The following ARPC2 variants were observed in gnomAD, a reference collection of about 807,000 sequenced individuals.
The protein encoded by ARPC2 is actin-related protein 2/3 complex subunit 2.
In ARPC2, 4 loss-of-function variants were observed where a neutral mutation model predicts 38.6. That is an observed-to-expected ratio of 0.10 (90% CI 0.05 to 0.24). ARPC2 has a LOEUF of 0.24. Among genes scored for constraint, ARPC2 ranks in the 10% least tolerant of loss-of-function variants. The pLI, the probability that ARPC2 is intolerant of heterozygous loss-of-function variation, is 1.00. For synonymous variants in ARPC2, 125 were observed against 140.8 expected (o/e 0.89, Z 0.79); for missense variants, 229 against 387.3 (o/e 0.59, Z 3.43).
At chr2:218,249,629 C>A in intron 9 of ARPC2, 165 bp downstream of exon 9, 1 of 735,660 alleles carries the variant, frequency 1.4e-6, no homozygotes, top group Non-Finnish European at 2.2e-6. Context: ...AAGCCACTGT[C>A]CCCCATCCCT....
At chr2:218,220,202 G>C (rs1430909382) in intron 2 of ARPC2, among the ~76,000 whole-genome samples, 1 of 152,178 alleles carries the variant, frequency 6.6e-6, no homozygotes, top group East Asian at 1.9e-4. Context: ...GAAAGGCTTT[G>C]CTGGTGTGGG....
chr2:218,249,470 G>T lies in ARPC2; in HGVS notation c.777+6G>T. 2 of 1,582,482 alleles carry T rather than the reference G, an allele frequency of 1.3e-6. No individual in the cohort carries two copies. Among genetic ancestry groups the T allele is most frequent in the South Asian group, 1.1e-5 (1 of 88,654 alleles). On this transcript the variant is annotated splice_donor_region_variant and intron_variant, in intron 9 of 10. Coordinates refer to ENST00000315717, the MANE Select transcript of ARPC2 (RefSeq NM_152862.3). ...ACCACATCAAGTGCTCTAAGGTGAG[G>T]GGGGTGCCAGCATCTCAGCCTCTAT...
chr2:218,231,242 G>A (rs1008626697), intron 4 of ARPC2, among the ~76,000 whole-genome samples: 1 of 152,106 alleles, frequency 6.6e-6, no homozygotes, highest in Non-Finnish European at 1.5e-5. Flanking sequence ...TGGGAGAGGG[G>A]GTACAAACTG....
At chr2:218,237,256 G>A (rs183916687) in intron 5 of ARPC2, among the ~76,000 whole-genome samples, 9 of 151,794 alleles carry the variant, frequency 5.9e-5, no homozygotes, top group African/African-American at 9.7e-5. Context: ...CTGGAGTGCC[G>A]TGGCGCGATC....
At chr2:218,243,442 A>T (rs1488794369) in intron 7 of ARPC2, among the ~76,000 whole-genome samples, 1 of 152,198 alleles carries the variant, frequency 6.6e-6, no homozygotes, top group Non-Finnish European at 1.5e-5. Context: ...AGCTTTATTT[A>T]GGAGAGAGAA....
chr2:218,217,763 C>T (rs1184186504), intron 2 of ARPC2, among the ~76,000 whole-genome samples: 7 of 152,140 alleles, frequency 4.6e-5, no homozygotes, highest in African/African-American at 1.4e-4. Context: ...GCGGAAGCAG[C>T]GAGTGGTGAG....
At chr2:218,253,665 T>C (rs191783021) in intron 10 of ARPC2, among the ~76,000 whole-genome samples, 27 of 152,336 alleles carry the variant, frequency 1.8e-4, no homozygotes, top group Admixed American at 1.7e-3. Context: ...AACACTGATA[T>C]TCCCGGGCAT....
At chr2:218,237,370 T>C (rs1302089171) in intron 5 of ARPC2, among the ~76,000 whole-genome samples, 1 of 151,804 alleles carries the variant, frequency 6.6e-6, no homozygotes, top group African/African-American at 2.4e-5. Flanking sequence ...CAGCTAATTT[T>C]GTATTTTTAT....
At chr2:218,239,015 ACTC>A (rs1044985785) in intron 6 of ARPC2, 165 bp downstream of exon 6, 6 of 601,234 alleles carry the variant, frequency 1.0e-5, no homozygotes, top group Non-Finnish European at 1.5e-5. Context: ...GAAATCAGCC[ACTC>A]CTCCTACTCT....
Position 218,217,454 on chromosome 2 carries a change from T to A in ARPC2, c.-8-9T>A. Reference sequence around the variant, plus strand: ...CACCGGCCCTTGTTTCTCCTTCCCCTGGGGGCAGCCGCCGCCATGATCCTG... The same window carrying A: ...CACCGGCCCTTGTTTCTCCTTCCCCAGGGGGCAGCCGCCGCCATGATCCTG... On this transcript the variant is annotated splice_polypyrimidine_tract_variant and intron_variant, in intron 1 of 10. Transcript: ENST00000315717. 6.2e-7 allele frequency: 1 copy of A among 1,611,528 alleles called. No individual in the cohort carries two copies.
Position 218,254,011 on chromosome 2 carries a change from T to G in ARPC2, c.*96T>G. 6.5e-7 allele frequency: 1 copy of G among 1,529,448 alleles called. No homozygotes were observed. Among genetic ancestry groups the G allele is most frequent in the South Asian group, 1.1e-5 (1 of 87,254 alleles). The allele number at this position is 1,529,448 out of a possible 1,614,324, so 94.7% of individuals were successfully genotyped here. A position where few individuals can be genotyped will look rare whatever the true frequency, so the allele number is the denominator to read the frequency against. On this transcript the variant is annotated 3_prime_UTR_variant, in exon 11 of 11. Transcript: ENST00000315717. ...TTTAATGTTGCGCCTCTTCAGGTTC[T>G]TAAGGGATTCTCCGTTTTGGTTCCA...
intron 5 of ARPC2, 86 bp downstream of exon 5, chr2:218,234,483 G>A (rs535733222): frequency 3.7e-5 from 40 of 1,082,464 alleles, no homozygotes; most frequent in Admixed American, 7.1e-5. Context: ...AAAGGATTTC[G>A]TTTAAATATT....
chr2:218,226,060 C>T (rs531259933), intron 3 of ARPC2, 106 bp downstream of exon 3: 23 of 1,122,664 alleles, frequency 2.0e-5, no homozygotes, highest in East Asian at 7.6e-5. Flanking sequence ...TTTGGGAGTC[C>T]GAGGCAGGTG....
chr2:218,247,058 G>A (rs1220657989), intron 8 of ARPC2, among the ~76,000 whole-genome samples: 1 of 152,236 alleles, frequency 6.6e-6, no homozygotes, highest in Non-Finnish European at 1.5e-5. Context: ...CCAGGAGGTA[G>A]AGGCTGCAGT....
intron 7 of ARPC2, among the ~76,000 whole-genome samples, chr2:218,242,093 A>G (rs1180766120): frequency 6.6e-6 from 1 of 152,216 alleles, no homozygotes; most frequent in African/African-American, 2.4e-5. Context: ...CCCTTCCAGC[A>G]TGCACATCCA....
chr2:218,252,233 A>G (rs952437505), intron 10 of ARPC2, among the ~76,000 whole-genome samples: 2 of 152,148 alleles, frequency 1.3e-5, no homozygotes, highest in African/African-American at 4.8e-5. Flanking sequence ...CAAAAAAAAA[A>G]GCACTTTTTA....
intron 4 of ARPC2, among the ~76,000 whole-genome samples, chr2:218,229,942 A>G (rs185869669): frequency 1.3e-5 from 2 of 152,252 alleles, no homozygotes; most frequent in Middle Eastern, 3.4e-3. Flanking sequence ...AAAGAGTGAA[A>G]GAAAACAAAT....
chr2:218,234,996 C>A, intron 5 of ARPC2: 1 of 375,022 alleles, frequency 2.7e-6, no homozygotes, highest in Non-Finnish European at 5.3e-6. Context: ...GATTCAGTGG[C>A]ATGTCTCAAA....
At chr2:218,224,579 T>A (rs1463817656) in intron 2 of ARPC2, among the ~76,000 whole-genome samples, 2 of 152,238 alleles carry the variant, frequency 1.3e-5, no homozygotes, top group Admixed American at 6.5e-5. Flanking sequence ...AAATGAAGGC[T>A]CAGAAGCAAT....
Sources: gnomAD v4.1 joint callset for allele counts (sites outside exome capture counted in the v4.1 genomes callset) on GRCh38, gnomAD v4.1.1 for gene constraint, MANE v1.5 for transcripts, NCBI Gene and HGNC (gene_info 2026-07-23, HGNC 2026-07-21) for gene names.